The following EFCAB6 variants were observed in gnomAD, a reference collection of about 807,000 sequenced individuals.
EFCAB6 encodes the protein EF-hand calcium binding domain 6, also known as EF-hand calcium-binding domain-containing protein 6.
EFCAB6 carries 156 observed loss-of-function variants against 169.8 expected under a neutral mutation model. The observed-to-expected ratio is 0.92, with a 90% CI of 0.81 to 1.05. EFCAB6 has a LOEUF of 1.05. EFCAB6 is among the 50% of genes least tolerant of loss of function. The pLI is 0.00. For missense variants in EFCAB6, 1,800 were observed against 1,829.1 expected (o/e 0.98, Z 0.29); for synonymous variants, 698 against 676.4 (o/e 1.03, Z -0.50).
At chr22:43,584,668 C>T (rs956835432) in intron 24 of EFCAB6, among the ~76,000 whole-genome samples, 1 of 152,150 alleles carries the variant, frequency 6.6e-6, no homozygotes, top group Non-Finnish European at 1.5e-5. Context: ...CCCCATCTAG[C>T]ATTCCTGTTT....
At chr22:43,771,302 A>C (rs1421509654) in intron 4 of EFCAB6, among the ~76,000 whole-genome samples, 3 of 152,260 alleles carry the variant, frequency 2.0e-5, no homozygotes, top group Admixed American at 2.0e-4. Context: ...ATGGTGGCAC[A>C]TGCCTGTAAT....
At chr22:43,545,593 G>A (rs1369019912) in intron 27 of EFCAB6, among the ~76,000 whole-genome samples, 1 of 152,206 alleles carries the variant, frequency 6.6e-6, no homozygotes, top group African/African-American at 2.4e-5. Flanking sequence ...GTGCTCAGGG[G>A]TTGGGAGACT....
rs201695712 is a variant in EFCAB6, at chr22:43,580,625, A to T, written c.3067T>A (p.Tyr1023Asn). ...TCCACTGCTCTCAGGAAGTCGAGGT[A>T]ATTGATAGCATTATCATGCCGGCTG... is the stretch of plus-strand genomic sequence containing the variant. ...GVSRHDNAIN[Y>N]LDFLRAVENS... is the part of the protein sequence containing the mutation. The change falls in exon 25 of 32, where the codon TAC becomes AAC. Residue 1023 changes from tyrosine to asparagine, a missense_variant. Tyr to Asn is a moderately radical substitution (Grantham distance 143, BLOSUM62 -2). Coordinates refer to ENST00000262726, the MANE Select transcript of EFCAB6 (RefSeq NM_022785.4). 2 of 1,614,052 alleles carry T rather than the reference A, an allele frequency of 1.2e-6. No homozygotes were observed. Among genetic ancestry groups the T allele is most frequent in the Non-Finnish European group, 1.7e-6 (2 of 1,180,030 alleles).
intron 26 of EFCAB6, among the ~76,000 whole-genome samples, chr22:43,564,831 T>C (rs1000569153): frequency 6.6e-6 from 1 of 152,220 alleles, no homozygotes; most frequent in Non-Finnish European, 1.5e-5. Flanking sequence ...CACCAAATTG[T>C]ATCCTGAACG....
chr22:43,593,038 G>T (rs1014169915), intron 23 of EFCAB6, among the ~76,000 whole-genome samples: 1 of 151,116 alleles, frequency 6.6e-6, no homozygotes, highest in Admixed American at 6.6e-5. Flanking sequence ...CTGTCAATCT[G>T]ATCAGAGTGT....
At chr22:43,689,354 C>A (rs137800) in intron 10 of EFCAB6, among the ~76,000 whole-genome samples, 2 of 102,896 alleles carry the variant, frequency 1.9e-5, no homozygotes, top group East Asian at 2.4e-4. Context: ...CACGTGCACA[C>A]ACACACACAC....
At chr22:43,771,446 T>C (rs146534691) in intron 4 of EFCAB6, among the ~76,000 whole-genome samples, 1 of 151,880 alleles carries the variant, frequency 6.6e-6, no homozygotes, top group Non-Finnish European at 1.5e-5. Context: ...AAAAATAAAT[T>C]AATTAATTAA....
intron 10 of EFCAB6, 66 bp downstream of exon 10, chr22:43,711,409 G>A: frequency 7.0e-7 from 1 of 1,429,256 alleles, no homozygotes; most frequent in Non-Finnish European, 9.3e-7. Context: ...AATAAACGAA[G>A]CTGTGCCTTA....
chr22:43,587,576 G>A (rs1414374309), intron 24 of EFCAB6, among the ~76,000 whole-genome samples: 1 of 152,116 alleles, frequency 6.6e-6, no homozygotes, highest in Non-Finnish European at 1.5e-5. Flanking sequence ...CTGGTCACAT[G>A]GCCTTCTCTT....
chr22:43,611,925 C>A (rs187854643), intron 21 of EFCAB6, among the ~76,000 whole-genome samples: 1 of 152,198 alleles, frequency 6.6e-6, no homozygotes, highest in African/African-American at 2.4e-5. Context: ...TACAGGACTA[C>A]AGTAACCAAA....
At chr22:43,696,101 C>A (rs2058567151) in intron 10 of EFCAB6, among the ~76,000 whole-genome samples, 1 of 152,020 alleles carries the variant, frequency 6.6e-6, no homozygotes, top group Non-Finnish European at 1.5e-5. Context: ...AGAACTCTTA[C>A]AAATCAGCAA....
At chr22:43,706,012 G>T (rs1163004552) in intron 10 of EFCAB6, among the ~76,000 whole-genome samples, 1 of 152,134 alleles carries the variant, frequency 6.6e-6, no homozygotes, top group Non-Finnish European at 1.5e-5. Flanking sequence ...GGAAATGAAA[G>T]AGGAGATATT....
chr22:43,751,126 T>C (rs1233060959), intron 6 of EFCAB6, among the ~76,000 whole-genome samples: 1 of 152,242 alleles, frequency 6.6e-6, no homozygotes, highest in Non-Finnish European at 1.5e-5. Context: ...CTTAGAATGC[T>C]TTGTTTTTCT....
chr22:43,775,274 T>C (rs549547732), intron 3 of EFCAB6, among the ~76,000 whole-genome samples: 7 of 152,026 alleles, frequency 4.6e-5, no homozygotes, highest in African/African-American at 1.4e-4. Flanking sequence ...AATGGCAAGA[T>C]CTCCCAACAC....
In EFCAB6 at chr22:43,668,861, C is replaced by T. The variant is rs1172846416; in HGVS notation, c.1814+11G>A. ...GGTTTTGATATGTGCATTCATTTTG[C>T]TTAATTTTACCTCTCAGAAAGATCT... is the stretch of plus-strand genomic sequence containing the variant. On this transcript the variant is annotated intron_variant, in intron 16 of 31. Coordinates refer to ENST00000262726, the MANE Select transcript of EFCAB6 (RefSeq NM_022785.4). The T allele has an allele frequency of 2.5e-6, 4 of 1,574,112 alleles. No homozygotes were observed. The highest frequency in any genetic ancestry group is 2.4e-5 in the South Asian group (2 of 82,184).
intron 20 of EFCAB6, among the ~76,000 whole-genome samples, chr22:43,619,612 G>A (rs989322532): frequency 3.9e-5 from 6 of 152,164 alleles, no homozygotes; most frequent in Admixed American, 6.5e-5. Flanking sequence ...CTGAAATGAC[G>A]TTTACTGGAT....
chr22:43,708,073 G>T (rs2059018880), intron 10 of EFCAB6, among the ~76,000 whole-genome samples: 1 of 124,738 alleles, frequency 8.0e-6, no homozygotes, highest in African/African-American at 3.0e-5. Context: ...GGAAAAAAAA[G>T]AGTGATAAAG....
intron 2 of EFCAB6, among the ~76,000 whole-genome samples, chr22:43,808,443 C>G (rs575291183): frequency 6.6e-6 from 1 of 152,124 alleles, no homozygotes; most frequent in Non-Finnish European, 1.5e-5. Flanking sequence ...TACTGACATG[C>G]AAAACTGTGT....
intron 21 of EFCAB6, among the ~76,000 whole-genome samples, chr22:43,613,211 AAT>A (rs963472037): frequency 6.7e-6 from 1 of 148,430 alleles, no homozygotes; most frequent in Non-Finnish European, 1.5e-5. Flanking sequence ...TTGTTATAGA[AAT>A]ATATTTGTTA....
Sources: gnomAD v4.1 joint callset for allele counts (sites outside exome capture counted in the v4.1 genomes callset) on GRCh38, gnomAD v4.1.1 for gene constraint, MANE v1.5 for transcripts, NCBI Gene and HGNC (gene_info 2026-07-23, HGNC 2026-07-21) for gene names.